AFG2A: variants seen among roughly 807,000 people sequenced by gnomAD.
AFG2A encodes ATPase family gene 2 protein homolog A.
At chr4:122,959,259 C>T in the AFG2A span, among the ~76,000 whole-genome samples, 35 of 152,134 alleles carry the variant, frequency 2.3e-4, no homozygotes, top group Admixed American at 2.2e-3. Context: ...CGTTTCCTCC[C>T]AGAAGTTTTT....
chr4:123,028,500 G>A, the AFG2A span: 3 of 869,186 alleles, frequency 3.5e-6, no homozygotes, highest in East Asian at 2.6e-5. Context: ...TTAAGGAGCA[G>A]TGATTCTTTT....
the AFG2A span, among the ~76,000 whole-genome samples, chr4:123,141,520 T>C: frequency 6.0e-4 from 91 of 152,202 alleles, no homozygotes; most frequent in African/African-American, 2.2e-3. Context: ...GTGTACTGTG[T>C]TGCCAGATTT....
At chr4:122,943,105 T>C in the AFG2A span, among the ~76,000 whole-genome samples, 1 of 152,220 alleles carries the variant, frequency 6.6e-6, no homozygotes, top group Non-Finnish European at 1.5e-5. Context: ...AAAGAATGTA[T>C]ATTCTGTTGA....
At chr4:123,043,832 G>A in the AFG2A span, among the ~76,000 whole-genome samples, 1 of 152,220 alleles carries the variant, frequency 6.6e-6, no homozygotes, top group Non-Finnish European at 1.5e-5. Context: ...CTCTGGTGAA[G>A]CTTTCCTGGG....
chr4:123,200,167 T>C, the AFG2A span, among the ~76,000 whole-genome samples: 1 of 152,240 alleles, frequency 6.6e-6, no homozygotes, highest in Non-Finnish European at 1.5e-5. Context: ...CATATTATGA[T>C]TGTTTTAGAG....
the AFG2A span, among the ~76,000 whole-genome samples, chr4:123,050,821 T>G: frequency 6.6e-6 from 1 of 151,708 alleles, no homozygotes. Flanking sequence ...CTCGGCTCAC[T>G]GCAACCTCTG....
the AFG2A span, chr4:123,028,458 C>T: frequency 2.2e-6 from 3 of 1,381,172 alleles, no homozygotes; most frequent in East Asian, 6.9e-5. Context: ...CATTCTCTGA[C>T]TCCTACCTTT....
At chr4:123,263,095 G>A in the AFG2A span, among the ~76,000 whole-genome samples, 23,159 of 152,136 alleles carry the variant, frequency 0.15, 2,005 homozygotes, top group Middle Eastern at 0.23. Context: ...AATATCATCC[G>A]AACTTGCTTT....
At chr4:123,059,807 C>T in the AFG2A span, among the ~76,000 whole-genome samples, 2 of 151,866 alleles carry the variant, frequency 1.3e-5, no homozygotes, top group East Asian at 1.9e-4. Context: ...ACATCCTCTC[C>T]AGCACCTGTT....
the AFG2A span, among the ~76,000 whole-genome samples, chr4:123,292,635 C>G: frequency 6.6e-6 from 1 of 152,116 alleles, no homozygotes; most frequent in Non-Finnish European, 1.5e-5. Flanking sequence ...TTCCAAGTTC[C>G]TTGGTTATAA....
At chr4:123,018,355 A>T in the AFG2A span, among the ~76,000 whole-genome samples, 1 of 152,234 alleles carries the variant, frequency 6.6e-6, no homozygotes, top group African/African-American at 2.4e-5. Context: ...AATAATTTAG[A>T]CTATATTGTA....
the AFG2A span, among the ~76,000 whole-genome samples, chr4:123,200,475 G>T: frequency 1.3e-5 from 2 of 152,164 alleles, no homozygotes; most frequent in East Asian, 3.9e-4. Context: ...AGTTGACATA[G>T]CTGAGAGTAG....
the AFG2A span, among the ~76,000 whole-genome samples, chr4:122,931,233 T>G: frequency 1.3e-5 from 2 of 152,166 alleles, no homozygotes; most frequent in Admixed American, 6.5e-5. Context: ...TAAACAAAAG[T>G]AAATGTAAGC....
chr4:123,312,111 C>T, the AFG2A span, among the ~76,000 whole-genome samples: 2 of 152,198 alleles, frequency 1.3e-5, no homozygotes, highest in African/African-American at 4.8e-5. Flanking sequence ...TTTACACATA[C>T]CCCTATTAGC....
the AFG2A span, among the ~76,000 whole-genome samples, chr4:122,975,078 G>A: frequency 6.6e-6 from 1 of 152,156 alleles, no homozygotes; most frequent in Non-Finnish European, 1.5e-5. Context: ...TCTTAGTCCA[G>A]TTTCTGCTGC....
the AFG2A span, chr4:123,256,154 C>G: frequency 6.2e-7 from 1 of 1,614,130 alleles, no homozygotes; most frequent in Non-Finnish European, 8.5e-7. Context: ...ACTCATCCTT[C>G]AAACCGACGC....
the AFG2A span, among the ~76,000 whole-genome samples, chr4:123,063,688 G>A: frequency 1.2e-4 from 18 of 152,052 alleles, no homozygotes; most frequent in African/African-American, 4.4e-4. Context: ...GGAGCTTGCA[G>A]TGAGCTGAGA....
At chr4:122,980,561 G>A in the AFG2A span, among the ~76,000 whole-genome samples, 2 of 152,066 alleles carry the variant, frequency 1.3e-5, no homozygotes, top group Non-Finnish European at 2.9e-5. Flanking sequence ...AATATTTTGA[G>A]GAACCACCAT....
the AFG2A span, among the ~76,000 whole-genome samples, chr4:123,060,074 C>G: frequency 6.6e-6 from 1 of 152,176 alleles, no homozygotes; most frequent in African/African-American, 2.4e-5. Context: ...TGCCTCACAT[C>G]CAGGTCACAC....
Sources: allele counts gnomAD v4.1 joint callset (sites outside exome capture counted in the v4.1 genomes callset), GRCh38; gene constraint gnomAD v4.1.1; transcripts MANE v1.5; gene names NCBI Gene and HGNC (gene_info 2026-07-23, HGNC 2026-07-21).